FOXN3: variants seen among roughly 807,000 people sequenced by gnomAD.
The protein encoded by FOXN3 is forkhead box protein N3.
A neutral mutation model predicts 38.4 loss-of-function variants in FOXN3; 7 were observed. The observed-to-expected ratio is 0.18, with a 90% CI of 0.10 to 0.34. FOXN3 has a LOEUF of 0.34. FOXN3 is among the 10% of genes least tolerant of loss of function. FOXN3 has a pLI of 1.00. For synonymous variants in FOXN3, 230 were observed against 242.2 expected (o/e 0.95, Z 0.47); for missense variants, 456 against 613.4 (o/e 0.74, Z 2.71).
chr14:89,606,047 A>G (rs2139946286), intron 1 of FOXN3, among the ~76,000 whole-genome samples: 1 of 152,314 alleles, frequency 6.6e-6, no homozygotes, highest in Non-Finnish European at 1.5e-5. Context: ...GTAAGCAAGC[A>G]TATAAATGAT....
chr14:89,349,167 C>G (rs750152855), intron 3 of FOXN3, among the ~76,000 whole-genome samples: 1 of 152,144 alleles, frequency 6.6e-6, no homozygotes, highest in Non-Finnish European at 1.5e-5. Flanking sequence ...CCTTGTACAT[C>G]GGCAATTCTC....
chr14:89,464,146 C>G (rs1215981171), intron 1 of FOXN3, among the ~76,000 whole-genome samples: 4 of 152,178 alleles, frequency 2.6e-5, no homozygotes, highest in African/African-American at 9.7e-5. Flanking sequence ...GGATCCCAGT[C>G]TCCTCCAGAT....
intron 2 of FOXN3, among the ~76,000 whole-genome samples, chr14:89,375,947 A>AT (rs980282413): frequency 2.0e-5 from 3 of 151,800 alleles, no homozygotes; most frequent in Admixed American, 2.0e-4. Context: ...TGCCTGGCTA[A>AT]TTTTTTTGTA....
chr14:89,275,713 A>G (rs1460917686), intron 4 of FOXN3, among the ~76,000 whole-genome samples: 1 of 152,232 alleles, frequency 6.6e-6, no homozygotes, highest in Non-Finnish European at 1.5e-5. Context: ...TTTGGATATG[A>G]AGCCAACCTA....
chr14:89,194,823 G>A (rs961017010), intron 4 of FOXN3, among the ~76,000 whole-genome samples: 1 of 151,452 alleles, frequency 6.6e-6, no homozygotes, highest in Non-Finnish European at 1.5e-5. Flanking sequence ...AATTATGTAT[G>A]TGAAAATAAG....
intron 1 of FOXN3, among the ~76,000 whole-genome samples, chr14:89,451,862 G>A (rs2139712505): frequency 6.6e-6 from 1 of 152,160 alleles, no homozygotes; most frequent in East Asian, 1.9e-4. Context: ...GGTAACGGGG[G>A]GCTGCAGTGT....
chr14:89,317,713 C>G (rs542699790), intron 3 of FOXN3, among the ~76,000 whole-genome samples: 2 of 152,096 alleles, frequency 1.3e-5, no homozygotes, highest in Non-Finnish European at 2.9e-5. Flanking sequence ...TTTCCCCCCC[C>G]ATAGAAATCC....
intron 1 of FOXN3, among the ~76,000 whole-genome samples, chr14:89,534,100 C>CTTTTTT (rs79800046): frequency 1.8e-5 from 2 of 113,836 alleles, no homozygotes; most frequent in Non-Finnish European, 3.5e-5. Flanking sequence ...ATTATACATT[C>CTTTTTT]TTTTTTTTTT....
At chr14:89,534,214 T>C (rs1894636391) in intron 1 of FOXN3, among the ~76,000 whole-genome samples, 1 of 148,606 alleles carries the variant, frequency 6.7e-6, no homozygotes, top group Admixed American at 6.8e-5. Flanking sequence ...CAAGCAATTC[T>C]CCTACCTCAG....
At chr14:89,390,577 G>A (rs1334755390) in intron 2 of FOXN3, among the ~76,000 whole-genome samples, 1 of 150,700 alleles carries the variant, frequency 6.6e-6, no homozygotes, top group African/African-American at 2.4e-5. Context: ...ATTTAGTAGT[G>A]GCTACTACAA....
chr14:89,576,226 A>G (rs1464817396), intron 1 of FOXN3: 1 of 152,242 alleles, frequency 6.6e-6, no homozygotes, highest in Non-Finnish European at 1.5e-5. Flanking sequence ...ATATTAACTA[A>G]TTTAGAAAAC....
chr14:89,597,811 C>T (rs769168539), intron 1 of FOXN3, among the ~76,000 whole-genome samples: 73 of 152,120 alleles, frequency 4.8e-4, no homozygotes, highest in Middle Eastern at 3.4e-3. Context: ...CCCTTCTGTA[C>T]GTTTATAAGA....
At chr14:89,511,723 G>A (rs1368084464) in intron 1 of FOXN3, among the ~76,000 whole-genome samples, 3 of 152,124 alleles carry the variant, frequency 2.0e-5, no homozygotes, top group African/African-American at 4.8e-5. Flanking sequence ...GGACATACCC[G>A]AGACTGGGTA....
intron 1 of FOXN3, among the ~76,000 whole-genome samples, chr14:89,607,616 G>A (rs1399785418): frequency 1.3e-5 from 2 of 150,906 alleles, no homozygotes; most frequent in African/African-American, 2.4e-5. Flanking sequence ...AGGTGGGACC[G>A]AGTCAGCAGG....
At chr14:89,383,040 T>TG (rs1409723032) in intron 2 of FOXN3, among the ~76,000 whole-genome samples, 1 of 149,518 alleles carries the variant, frequency 6.7e-6, no homozygotes, top group Admixed American at 6.7e-5. Flanking sequence ...TTTTTTTTTT[T>TG]TTTTTTTTTT....
intron 1 of FOXN3, among the ~76,000 whole-genome samples, chr14:89,483,566 AC>A (rs1893386077): frequency 6.6e-6 from 1 of 152,010 alleles, no homozygotes; most frequent in South Asian, 2.1e-4. Flanking sequence ...CCACCATCAC[AC>A]CCAGCTAATT....
chr14:89,315,944 A>G (rs1219139605), intron 3 of FOXN3, among the ~76,000 whole-genome samples: 1 of 152,038 alleles, frequency 6.6e-6, no homozygotes, highest in Non-Finnish European at 1.5e-5. Context: ...CTCTCTAAAG[A>G]ATGATGCTGC....
chr14:89,261,689 G>A (rs921406411), intron 4 of FOXN3, among the ~76,000 whole-genome samples: 2 of 152,186 alleles, frequency 1.3e-5, no homozygotes, highest in African/African-American at 2.4e-5. Flanking sequence ...CAGCACTTTG[G>A]GAGGCTGAGG....
At chr14:89,318,351 G>C (rs1439644096) in intron 3 of FOXN3, among the ~76,000 whole-genome samples, 1 of 151,918 alleles carries the variant, frequency 6.6e-6, no homozygotes, top group African/African-American at 2.4e-5. Context: ...TAGAGATGGA[G>C]TTTCACCATG....
Sources: gnomAD v4.1 joint callset for allele counts (sites outside exome capture counted in the v4.1 genomes callset) on GRCh38, gnomAD v4.1.1 for gene constraint, MANE v1.5 for transcripts, NCBI Gene and HGNC (gene_info 2026-07-23, HGNC 2026-07-21) for gene names.